Variants in RPH3A observed in about 807,000 individuals in gnomAD.
The protein encoded by RPH3A is rabphilin 3A.
In RPH3A, 48 loss-of-function variants were observed where a neutral mutation model predicts 102.2. That is an observed-to-expected ratio of 0.47 (90% CI 0.37 to 0.60). The LOEUF is 0.60. Among genes scored for constraint, RPH3A ranks in the 20% least tolerant of loss-of-function variants. RPH3A has a pLI of 0.00. For missense variants in RPH3A, 781 were observed against 910.1 expected (o/e 0.86, Z 1.83); for synonymous variants, 310 against 324.3 (o/e 0.96, Z 0.47).
intron 1 of RPH3A, among the ~76,000 whole-genome samples, chr12:112,759,595 C>T (rs1190585011): frequency 6.6e-6 from 1 of 152,178 alleles, no homozygotes; most frequent in East Asian, 1.9e-4. Flanking sequence ...TCTCCTGACC[C>T]TGGTCCACCT....
chr12:112,683,822 TAAG>T (rs2040244027), intron 1 of RPH3A, among the ~76,000 whole-genome samples: 2 of 152,152 alleles, frequency 1.3e-5, no homozygotes, highest in Non-Finnish European at 2.9e-5. Context: ...AGTGGGCACT[TAAG>T]GAGAGAACTG....
intron 5 of RPH3A, among the ~76,000 whole-genome samples, chr12:112,853,483 G>A (rs767661710): frequency 9.9e-5 from 15 of 152,184 alleles, no homozygotes; most frequent in Non-Finnish European, 1.9e-4. Flanking sequence ...TTGGACCAGT[G>A]CTTTTTCCAA....
chr12:112,695,765 G>T (rs773933653), intron 1 of RPH3A, among the ~76,000 whole-genome samples: 1 of 152,252 alleles, frequency 6.6e-6, no homozygotes, highest in African/African-American at 2.4e-5. Context: ...ATTGCATCCA[G>T]GTAGTACTTC....
intron 4 of RPH3A, among the ~76,000 whole-genome samples, chr12:112,843,571 ACCGG>A (rs2042181826): frequency 2.0e-5 from 3 of 152,114 alleles, no homozygotes; most frequent in Non-Finnish European, 2.9e-5. Flanking sequence ...GCACAGTAAC[ACCGG>A]CAATGGTGTG....
intron 1 of RPH3A, among the ~76,000 whole-genome samples, chr12:112,726,685 C>A (rs1360196449): frequency 6.6e-6 from 1 of 152,134 alleles, no homozygotes; most frequent in Non-Finnish European, 1.5e-5. Flanking sequence ...CAGATATTTG[C>A]CATTTTATCT....
intron 2 of RPH3A, among the ~76,000 whole-genome samples, chr12:112,812,801 G>A (rs1453844821): frequency 1.3e-5 from 2 of 152,152 alleles, no homozygotes; most frequent in Non-Finnish European, 2.9e-5. Flanking sequence ...TACTGTCTAT[G>A]GTGCTGAACT....
chr12:112,863,504 G>A (rs2042556012), intron 5 of RPH3A, among the ~76,000 whole-genome samples: 1 of 152,186 alleles, frequency 6.6e-6, no homozygotes, highest in South Asian at 2.1e-4. Context: ...ATTTTTAGTA[G>A]AGACGGGGTT....
chr12:112,670,240 T>C (rs1321452707), intron 1 of RPH3A, among the ~76,000 whole-genome samples: 1 of 152,180 alleles, frequency 6.6e-6, no homozygotes, highest in Non-Finnish European at 1.5e-5. Flanking sequence ...TGGAGTGCAG[T>C]GGTGCAATCT....
chr12:112,722,938 T>A (rs112431331), intron 1 of RPH3A, among the ~76,000 whole-genome samples: 1,729 of 152,328 alleles, frequency 0.011, 24 homozygotes, highest in African/African-American at 0.039. Flanking sequence ...GTTAATATGC[T>A]GCTAAATTGA....
intron 1 of RPH3A, chr12:112,591,440 A>G (rs575723436): frequency 6.6e-6 from 1 of 152,370 alleles, no homozygotes; most frequent in South Asian, 2.1e-4. Flanking sequence ...TCCCTGTCCC[A>G]TGAGGTCACT....
At chr12:112,725,322 A>G (rs1483618818) in intron 1 of RPH3A, among the ~76,000 whole-genome samples, 2 of 149,294 alleles carry the variant, frequency 1.3e-5, no homozygotes, top group Admixed American at 1.4e-4. Flanking sequence ...TTGAGGGGGC[A>G]CTTTCCCCAC....
intron 1 of RPH3A, among the ~76,000 whole-genome samples, chr12:112,686,465 G>C (rs1397424950): frequency 6.6e-6 from 1 of 152,160 alleles, no homozygotes; most frequent in Non-Finnish European, 1.5e-5. Context: ...GATGCATGCG[G>C]GGGCTTGAAA....
chr12:112,780,047 C>T lies in RPH3A; in HGVS notation c.-139-12096C>T, dbSNP rs189966946. Among the ~76,000 whole-genome samples, 134 of 152,280 alleles carry T rather than the reference C, an allele frequency of 8.8e-4. 1 individual carries two copies. Among genetic ancestry groups the T allele is most frequent in the African/African-American group, 3.1e-3 (129 of 41,556 alleles). ...AGATTCGTCCCCAGAGTCTTCAGAG[C>T]GAACACGGCCCTGCTGAGGTCTTCA... On this transcript the variant is annotated intron_variant, in intron 1 of 21. Coordinates refer to the RPH3A transcript ENST00000543106.
intron 1 of RPH3A, among the ~76,000 whole-genome samples, chr12:112,725,180 C>T (rs749482525): frequency 1.4e-4 from 17 of 120,026 alleles, no homozygotes; most frequent in Admixed American, 9.1e-4. Context: ...ACCTGAGAGG[C>T]GGAGGTTGCA....
At chr12:112,738,221 C>T (rs1331252547) in intron 1 of RPH3A, among the ~76,000 whole-genome samples, 1 of 151,270 alleles carries the variant, frequency 6.6e-6, no homozygotes, top group African/African-American at 2.4e-5. Context: ...GAGACAGGGT[C>T]TCACTCTGTC....
At chr12:112,763,131 A>G (rs1413306791) in intron 1 of RPH3A, among the ~76,000 whole-genome samples, 2 of 152,246 alleles carry the variant, frequency 1.3e-5, no homozygotes, top group Non-Finnish European at 2.9e-5. Context: ...TTAGCCCACA[A>G]TTCATAGAAT....
chr12:112,693,121 A>G (rs1224427539), intron 1 of RPH3A, among the ~76,000 whole-genome samples: 1 of 152,224 alleles, frequency 6.6e-6, no homozygotes, highest in Non-Finnish European at 1.5e-5. Flanking sequence ...TCTTGCTCAG[A>G]GTTTTAAAAT....
At chr12:112,591,470 T>A (rs545888071) in intron 1 of RPH3A, 2 of 152,388 alleles carry the variant, frequency 1.3e-5, no homozygotes, top group South Asian at 4.1e-4. Flanking sequence ...TAGTGGTCCC[T>A]GTAGCCATTT....
chr12:112,613,768 C>A (rs2039656742), intron 1 of RPH3A, among the ~76,000 whole-genome samples: 1 of 152,072 alleles, frequency 6.6e-6, no homozygotes, highest in Admixed American at 6.6e-5. Context: ...GACAACATAG[C>A]AAGACCCTGC....
Sources: gnomAD v4.1 joint callset for allele counts (sites outside exome capture counted in the v4.1 genomes callset) on GRCh38, gnomAD v4.1.1 for gene constraint, MANE v1.5 for transcripts, NCBI Gene and HGNC (gene_info 2026-07-23, HGNC 2026-07-21) for gene names.